PARPBP: variants seen among roughly 807,000 people sequenced by gnomAD.
PARPBP encodes the protein PARP1 binding protein, also known as PCNA-interacting partner.
Under a neutral mutation model 50.0 loss-of-function variants are expected in PARPBP, and 52 were observed. That is an observed-to-expected ratio of 1.04 (90% CI 0.83 to 1.31). The LOEUF is 1.31. PARPBP is among the 50% of genes most tolerant of loss of function. PARPBP has a pLI of 0.00. For missense variants in PARPBP, 697 were observed against 672.0 expected (o/e 1.04, Z -0.41); for synonymous variants, 244 against 232.1 (o/e 1.05, Z -0.47).
At chr12:102,159,691 A>C (rs1210607125) in intron 4 of PARPBP, among the ~76,000 whole-genome samples, 1 of 140,780 alleles carries the variant, frequency 7.1e-6, no homozygotes, top group Non-Finnish European at 1.5e-5. Flanking sequence ...GAAAATCATC[A>C]GTTAAAAAAA....
intron 2 of PARPBP, among the ~76,000 whole-genome samples, chr12:102,141,108 G>A (rs1311743293): frequency 6.6e-6 from 1 of 152,208 alleles, no homozygotes; most frequent in Non-Finnish European, 1.5e-5. Context: ...TTATTACTGT[G>A]TGGGAGTCTA....
chr12:102,122,847 G>A (rs1881370138), intron 1 of PARPBP, among the ~76,000 whole-genome samples: 1 of 152,190 alleles, frequency 6.6e-6, no homozygotes, highest in African/African-American at 2.4e-5. Context: ...ACAGTCGAGT[G>A]AGGTAATCAA....
chr12:102,170,882 A>AT (rs1344386914), intron 6 of PARPBP, among the ~76,000 whole-genome samples: 1 of 137,056 alleles, frequency 7.3e-6, no homozygotes, highest in African/African-American at 2.7e-5. Flanking sequence ...CTTATTCTAT[A>AT]TGCTTTTCTC....
intron 2 of PARPBP, among the ~76,000 whole-genome samples, chr12:102,127,814 G>A (rs1882239848): frequency 6.6e-6 from 1 of 152,156 alleles, no homozygotes; most frequent in African/African-American, 2.4e-5. Context: ...ATGCTAGGGA[G>A]TCAGTTGGCT....
intron 4 of PARPBP, among the ~76,000 whole-genome samples, chr12:102,160,519 C>T (rs1032387006): frequency 1.3e-5 from 2 of 152,150 alleles, no homozygotes; most frequent in East Asian, 1.9e-4. Context: ...TGTTATTCTT[C>T]TCAGATGTCA....
chr12:102,169,443 TCTC>T (rs983247743), intron 6 of PARPBP, among the ~76,000 whole-genome samples: 87 of 152,282 alleles, frequency 5.7e-4, no homozygotes, highest in African/African-American at 1.7e-3. Context: ...CAAAACTGCT[TCTC>T]CTCCTGAAGC....
intron 2 of PARPBP, among the ~76,000 whole-genome samples, chr12:102,144,067 A>G (rs1885029810): frequency 6.6e-6 from 1 of 152,166 alleles, no homozygotes; most frequent in Non-Finnish European, 1.5e-5. Context: ...GTGTTATTTA[A>G]TCTGTGTAAT....
At chr12:102,156,174 T>TA (rs1886888833) in intron 4 of PARPBP, among the ~76,000 whole-genome samples, 1 of 131,310 alleles carries the variant, frequency 7.6e-6, no homozygotes, top group South Asian at 2.5e-4. Flanking sequence ...GAATTAACCT[T>TA]CCTTTTTTTT....
At chr12:102,124,525 G>A (rs1210223644) in intron 2 of PARPBP, among the ~76,000 whole-genome samples, 1 of 152,188 alleles carries the variant, frequency 6.6e-6, no homozygotes, top group African/African-American at 2.4e-5. Context: ...GTAGATTAAG[G>A]GTTAGAGGTG....
intron 5 of PARPBP, among the ~76,000 whole-genome samples, chr12:102,165,118 G>A (rs1888003641): frequency 6.6e-6 from 1 of 152,132 alleles, no homozygotes; most frequent in African/African-American, 2.4e-5. Context: ...TTCTTAGAAT[G>A]TACCTTGGAA....
At chr12:102,188,841 A>T (rs973378830) in intron 9 of PARPBP, among the ~76,000 whole-genome samples, 1 of 152,164 alleles carries the variant, frequency 6.6e-6, no homozygotes, top group Non-Finnish European at 1.5e-5. Context: ...AGAATCGATG[A>T]CATAGAACAA....
At chr12:102,186,010 G>T (rs1339213870) in intron 9 of PARPBP, among the ~76,000 whole-genome samples, 3 of 152,000 alleles carry the variant, frequency 2.0e-5, no homozygotes, top group Admixed American at 6.6e-5. Flanking sequence ...ATCTATTCAG[G>T]TTTTTTATTT....
At chr12:102,151,099 A>C (rs2138865731) in intron 3 of PARPBP, among the ~76,000 whole-genome samples, 1 of 133,164 alleles carries the variant, frequency 7.5e-6, no homozygotes, top group South Asian at 2.2e-4. Context: ...GCAGCCAGAG[A>C]AGGATGAGTT....
chr12:102,154,009 C>G, intron 4 of PARPBP, 33 bp downstream of exon 4: 1 of 1,200,260 alleles, frequency 8.3e-7, no homozygotes, highest in Non-Finnish European at 1.2e-6. Flanking sequence ...TTAAAGCAGA[C>G]TATAATCCCT....
rs1229888987 is a variant in PARPBP, at chr12:102,120,253, T to C, written c.-37T>C. 11 of 264,760 alleles carry C rather than the reference T, an allele frequency of 4.2e-5. No homozygotes were observed. The highest frequency in any genetic ancestry group is 8.7e-5 in the Non-Finnish European group (11 of 126,356). 16.4% of individuals were successfully genotyped at this position (264,760 alleles called of 1,614,324 possible). ...TCCCGTTGGGGATCCTTCCGCACAC[T>C]GAAGAGTACGTCTTCGGGTCTACCC... On this transcript the variant is annotated 5_prime_UTR_variant, in exon 1 of 11. Coordinates refer to ENST00000327680, the MANE Select transcript of PARPBP (RefSeq NM_017915.5).
Position 102,183,683 on chromosome 12 carries a change from T to A in PARPBP, c.1263+1056T>A, listed in dbSNP as rs747567456. On this transcript the variant is annotated intron_variant, in intron 9 of 10. Transcript: ENST00000327680. ...ACAGAAGTGTAACATATCAAAAAAA[T>A]TTTTTTCTTGCTATGGATACTGACA... Among the ~76,000 whole-genome samples the A allele has an allele frequency of 1.6e-4, 25 of 152,178 alleles. 1 individual carries two copies. Among genetic ancestry groups the A allele is most frequent in the Admixed American group, 2.0e-4 (3 of 15,268 alleles).
chr12:102,170,954 A>G (rs891599542), intron 6 of PARPBP, among the ~76,000 whole-genome samples: 2 of 141,670 alleles, frequency 1.4e-5, no homozygotes, highest in African/African-American at 2.6e-5. Flanking sequence ...TAAAATTAAG[A>G]CACAAACATA....
chr12:102,151,836 TGAA>T (rs1168272753), intron 3 of PARPBP: 9 of 1,455,446 alleles, frequency 6.2e-6, no homozygotes, highest in Non-Finnish European at 7.4e-6. Context: ...TTCAGAACAT[TGAA>T]GAAGCCACCT....
At chr12:102,121,943 G>A (rs570105017) in intron 1 of PARPBP, among the ~76,000 whole-genome samples, 1 of 152,212 alleles carries the variant, frequency 6.6e-6, no homozygotes, top group South Asian at 2.1e-4. Flanking sequence ...CTTTACTTGT[G>A]TTTATGTCGT....
Sources: gnomAD v4.1 joint callset for allele counts (sites outside exome capture counted in the v4.1 genomes callset) on GRCh38, gnomAD v4.1.1 for gene constraint, MANE v1.5 for transcripts, NCBI Gene and HGNC (gene_info 2026-07-23, HGNC 2026-07-21) for gene names.